DNAH1: variants seen among roughly 807,000 people sequenced by gnomAD.
DNAH1 encodes axonemal beta dynein heavy chain 1.
Under a neutral mutation model 484.3 loss-of-function variants are expected in DNAH1, and 327 were observed. That is an observed-to-expected ratio of 0.68 (90% CI 0.62 to 0.74). The LOEUF (loss-of-function observed/expected upper bound fraction) is 0.74. DNAH1 is among the 30% of genes least tolerant of loss of function. The probability of loss-of-function intolerance (pLI) is 0.00; values close to 1 mark genes in which losing one functional copy is unlikely to be tolerated. For synonymous variants in DNAH1, 2,192 were observed against 2,191.9 expected, an observed-to-expected ratio of 1.00 and a Z score of 0.00; for missense variants, 5,052 against 5,546.8, an observed-to-expected ratio of 0.91 and a Z score of 2.83.
chr3:52,366,695 T>C, intron 35 of DNAH1, 38 bp from the exon 36 acceptor site: 3 of 1,586,082 alleles, frequency 1.9e-6, no homozygotes, highest in Non-Finnish European at 2.6e-6. Context: ...CTAGCCCTGC[T>C]CTCTGGGAGC....
At chr3:52,394,737 C>T in intron 67 of DNAH1, 76 bp downstream of exon 67, 2 of 1,509,088 alleles carry the variant, frequency 1.3e-6, no homozygotes, top group East Asian at 2.3e-5. Flanking sequence ...GTCTGGGCGC[C>T]TTCTCTAAGG....
rs1432631766 is a variant in DNAH1 at position 52,355,080 on chromosome 3, C to T, written c.3693+25C>T. 2 of 1,607,860 alleles carry T rather than the reference C, an allele frequency of 1.2e-6. No individual in the cohort carries two copies. The highest frequency in any genetic ancestry group is 1.7e-6 in the Non-Finnish European group (2 of 1,177,136). ...GGTCGGCCCTCCCCCCAGTCCTTCC[C>T]TCATCGCTCCCCCACTTCAGAGAGC... On this transcript the variant is annotated intron_variant, in intron 21 of 77. Transcript: ENST00000420323. This position sits in a 1 kb window ranked among gnomAD's most constrained non-coding sequence, Gnocchi z 4.5.
chr3:52,391,922 C>T (rs773921644), intron 63 of DNAH1, among the ~76,000 whole-genome samples: 18 of 152,192 alleles, frequency 1.2e-4, no homozygotes, highest in Non-Finnish European at 1.9e-4. Context: ...AGGCCCTGTG[C>T]CCTCATCCTC....
chr3:52,392,799 T>TGGGGGGGGGGGGGGGGGGGGGGGGGG, intron 64 of DNAH1, 31 bp from the exon 65 acceptor site: 7 of 1,274,362 alleles, frequency 5.5e-6, no homozygotes, highest in Admixed American at 2.0e-5. Context: ...TTCTGCTCTT[T>TGGGGGGGGGGGGGGGGGGGGGGGGGG]GACCCCTCCC....
intron 18 of DNAH1, among the ~76,000 whole-genome samples, 155 bp downstream of exon 18, chr3:52,352,862 G>T (rs1702451491): frequency 6.6e-6 from 1 of 152,162 alleles, no homozygotes; most frequent in South Asian, 2.1e-4. Context: ...TCAGGTTGAG[G>T]AGGCCCCTAG....
chr3:52,339,730 G>T (rs1000603354), intron 8 of DNAH1, among the ~76,000 whole-genome samples: 5 of 151,960 alleles, frequency 3.3e-5, no homozygotes, highest in African/African-American at 1.2e-4. Context: ...TAGTTCAAGG[G>T]CGCCCTCTTC....
upstream of DNAH1, among the ~76,000 whole-genome samples, chr3:52,311,616 A>G (rs1236133631): frequency 6.6e-6 from 1 of 151,884 alleles, no homozygotes; most frequent in Non-Finnish European, 1.5e-5. Flanking sequence ...TGAGTTCACA[A>G]CTCAACCCCA....
chr3:52,347,782 C>T (rs1702203633), intron 11 of DNAH1, 42 bp from the exon 12 acceptor site: 1 of 1,516,568 alleles, frequency 6.6e-7, no homozygotes, highest in Admixed American at 2.1e-5. Flanking sequence ...GCACACAGGC[C>T]TCCTAGGCCT....
At chr3:52,378,455 C>A in intron 46 of DNAH1, 147 bp from the exon 47 acceptor site, 1 of 829,360 alleles carries the variant, frequency 1.2e-6, no homozygotes, top group South Asian at 1.7e-5. Context: ...CGAGATGGGG[C>A]CAAAGGGTAC....
intron 59 of DNAH1, 80 bp from the exon 60 acceptor site, chr3:52,389,381 C>G (rs1578195093): frequency 6.3e-7 from 1 of 1,585,226 alleles, no homozygotes; most frequent in East Asian, 2.3e-5. Flanking sequence ...CTGCAACTGC[C>G]AAGCACTGTG....
rs147159692 is a variant in DNAH1 at position 52,372,100 on chromosome 3, C to A, written c.6666+14C>A. 1 of 1,612,670 alleles carries A rather than the reference C, an allele frequency of 6.2e-7. No homozygotes were observed. Among genetic ancestry groups the A allele is most frequent in the East Asian group, 2.2e-5 (1 of 44,898 alleles). On this transcript the variant is annotated intron_variant, in intron 42 of 77. Coordinates refer to ENST00000420323, the MANE Select transcript of DNAH1 (RefSeq NM_015512.5). ...AACAAGAAGCCCGTGAGCACCCCCC[C>A]AGGCCCTGCCTCCACTGTCCCCAAG...
chr3:52,350,214 G>T, intron 15 of DNAH1, 106 bp downstream of exon 15: 2 of 1,492,910 alleles, frequency 1.3e-6, no homozygotes, highest in East Asian at 2.5e-5. Context: ...AGGAGGCTGA[G>T]GGTAAGGTAG....
Position 52,362,926 on chromosome 3 carries a change from C to T in DNAH1, c.5095-69C>T, listed in dbSNP as rs1702921890. 60 of 1,599,950 alleles carry T rather than the reference C, an allele frequency of 3.8e-5. No individual in the cohort carries two copies. The South Asian group carries it at 6.0e-4, about 16-fold the overall frequency. On this transcript the variant is annotated intron_variant, in intron 31 of 77. Transcript: ENST00000420323. The surrounding 1 kb of genome is among the most constrained non-coding windows in gnomAD (Gnocchi z 5.1). ...AGTCCCAGCGTGTTAGGGAGGAGGG[C>T]CGGATGAAGCTGGGGGTGCTCTGGG...
rs1203166149 is a variant in DNAH1, at chr3:52,359,257, C to A, written c.4278C>A (p.Thr1426=). 6.4e-7 allele frequency: 1 copy of A among 1,567,396 alleles called. No homozygotes were observed. Residue 1426 remains threonine (T), a synonymous_variant, in exon 26 of 78, where the codon ACC becomes ACA. Coordinates refer to ENST00000420323, the MANE Select transcript of DNAH1 (RefSeq NM_015512.5). ...AIRAYPTMPR[T]QWVLNWPGQV... ...TGCTGTCTTCCCAGATGCCCAGGACCCAGTGGGTTCTGAACTGGCCTGGCC... is the reference window on the plus strand; with the variant it reads ...TGCTGTCTTCCCAGATGCCCAGGACACAGTGGGTTCTGAACTGGCCTGGCC...
intron 8 of DNAH1, among the ~76,000 whole-genome samples, chr3:52,344,055 C>A (rs574824781): frequency 6.6e-6 from 1 of 152,354 alleles, no homozygotes; most frequent in African/African-American, 2.4e-5. Flanking sequence ...ACCTTCCAGG[C>A]GCTGCCATGA....
intron 56 of DNAH1, among the ~76,000 whole-genome samples, chr3:52,387,845 C>T (rs1275593670): frequency 6.6e-6 from 1 of 152,192 alleles, no homozygotes; most frequent in Non-Finnish European, 1.5e-5. Flanking sequence ...CCAATACCTG[C>T]TGATGGTCTT....
Position 52,380,081 on chromosome 3 carries a change from C to A in DNAH1, c.7554C>A (p.Phe2518Leu). 6.2e-7 allele frequency: 1 copy of A among 1,605,930 alleles called. No individual in the cohort carries two copies. Among genetic ancestry groups the A allele is most frequent in the Non-Finnish European group, 8.5e-7 (1 of 1,176,240 alleles). The stretch of plus-strand genomic sequence containing the variant: ...TCCAGCCCATTCTTTACGGGGACTT[C>A]ATGTCACCAGGCTCCGATGTCAAGT... ...CPFQPILYGD[F>L]MSPGSDVKSY... Residue 2518 changes from phenylalanine (F) to leucine (L), a missense_variant, in exon 48 of 78, where the codon TTC (phenylalanine) becomes TTA (leucine). Phe to Leu is a conservative substitution (Grantham distance 22). Transcript: ENST00000420323.
At chr3:52,346,280 G>C (rs1702137866) in intron 10 of DNAH1, among the ~76,000 whole-genome samples, 192 bp from the exon 11 acceptor site, 1 of 152,318 alleles carries the variant, frequency 6.6e-6, no homozygotes, top group Middle Eastern at 3.4e-3. Flanking sequence ...CTGCCCAGCA[G>C]CTCTGGGCCC....
At chr3:52,387,414 G>T (rs893986933) in intron 56 of DNAH1, among the ~76,000 whole-genome samples, 6 of 152,090 alleles carry the variant, frequency 3.9e-5, no homozygotes, top group Admixed American at 2.6e-4. Flanking sequence ...CTCTTTGGGG[G>T]TTTCCTCTGC....
Sources: gnomAD v4.1 joint callset for allele counts (sites outside exome capture counted in the v4.1 genomes callset) on GRCh38, gnomAD v4.1.1 for gene constraint, Gnocchi (gnomAD v3.1) non-coding constraint, MANE v1.5 for transcripts, NCBI Gene and HGNC (gene_info 2026-07-23, HGNC 2026-07-21) for gene names.